Variants in RANBP17 observed in about 807,000 individuals in gnomAD.
RANBP17 encodes the protein ran-binding protein 17.
A neutral mutation model predicts 141.2 loss-of-function variants in RANBP17; 158 were observed. The observed-to-expected ratio is 1.12, with a 90% CI of 0.98 to 1.28. RANBP17 has a LOEUF of 1.28. RANBP17 is among the 50% of genes most tolerant of loss of function. RANBP17 has a pLI of 0.00. For missense variants in RANBP17, 1,438 were observed against 1,290.7 expected (o/e 1.11, Z -1.75); for synonymous variants, 430 against 450.0 (o/e 0.96, Z 0.56).
In RANBP17 at chr5:171,265,563, C is replaced by G. The variant is rs377615909; in HGVS notation, c.2777-118C>G. ...CAAATTCCTGCCCTCAAAGAACTTGCAATTTGATAAAAGCACTTTGAAACC... is the reference window on the plus strand; with the variant it reads ...CAAATTCCTGCCCTCAAAGAACTTGGAATTTGATAAAAGCACTTTGAAACC... On this transcript the variant is annotated intron_variant, in intron 24 of 27. Coordinates refer to ENST00000523189, the MANE Select transcript of RANBP17 (RefSeq NM_022897.5). The G allele has an allele frequency of 1.1e-4, 101 of 947,294 alleles. No homozygotes were observed. In the African/African-American group the frequency reaches 1.2e-3, roughly 11 times the overall value. 58.7% of individuals were successfully genotyped at this position (947,294 alleles called of 1,614,324 possible).
chr5:171,132,063 A>T (rs1276429281), intron 14 of RANBP17, among the ~76,000 whole-genome samples: 2 of 152,178 alleles, frequency 1.3e-5, no homozygotes, highest in Non-Finnish European at 2.9e-5. Flanking sequence ...TAGTTTCTCC[A>T]TGGAGCCAAG....
At chr5:171,128,813 T>C (rs560317289) in intron 14 of RANBP17, among the ~76,000 whole-genome samples, 1 of 109,784 alleles carries the variant, frequency 9.1e-6, no homozygotes, top group East Asian at 3.6e-4. Flanking sequence ...AAAAATAAAA[T>C]AGTCAAGACC....
chr5:171,223,445 C>G (rs1043457876), intron 22 of RANBP17, among the ~76,000 whole-genome samples: 1 of 152,116 alleles, frequency 6.6e-6, no homozygotes, highest in Non-Finnish European at 1.5e-5. Flanking sequence ...ACCATCCTGG[C>G]TAACATGGTG....
intron 14 of RANBP17, among the ~76,000 whole-genome samples, chr5:171,152,881 A>G (rs1340363551): frequency 1.3e-5 from 2 of 152,246 alleles, no homozygotes; most frequent in African/African-American, 2.4e-5. Context: ...CCTCATTTCT[A>G]TAGTAGAGTA....
intron 14 of RANBP17, among the ~76,000 whole-genome samples, chr5:171,014,522 T>C (rs1181847690): frequency 6.6e-6 from 1 of 152,046 alleles, no homozygotes; most frequent in East Asian, 1.9e-4. Context: ...CTGTCCCCTT[T>C]AAAATGATAT....
At chr5:170,907,799 T>C (rs976198926) in intron 5 of RANBP17, among the ~76,000 whole-genome samples, 2 of 151,908 alleles carry the variant, frequency 1.3e-5, no homozygotes, top group African/African-American at 2.4e-5. Context: ...GAAAAAATAT[T>C]TTTATATATT....
At chr5:171,072,844 T>C (rs1456513623) in intron 14 of RANBP17, among the ~76,000 whole-genome samples, 1 of 152,184 alleles carries the variant, frequency 6.6e-6, no homozygotes, top group Non-Finnish European at 1.5e-5. Context: ...ACAACCAAGA[T>C]GTCTTTCAGT....
intron 14 of RANBP17, among the ~76,000 whole-genome samples, chr5:171,140,476 T>G (rs1757612003): frequency 6.6e-6 from 1 of 152,230 alleles, no homozygotes; most frequent in African/African-American, 2.4e-5. Flanking sequence ...CAACACTAGA[T>G]TAGCCACCTC....
intron 22 of RANBP17, among the ~76,000 whole-genome samples, chr5:171,225,349 A>G (rs1332142839): frequency 6.6e-6 from 1 of 152,264 alleles, no homozygotes; most frequent in Non-Finnish European, 1.5e-5. Flanking sequence ...TGATACATGC[A>G]CTTTACATAG....
intron 4 of RANBP17, among the ~76,000 whole-genome samples, chr5:170,895,516 G>A (rs1770039948): frequency 6.6e-6 from 1 of 152,120 alleles, no homozygotes; most frequent in East Asian, 1.9e-4. Context: ...TTATAGGTAT[G>A]TAACAATTTC....
intron 2 of RANBP17, among the ~76,000 whole-genome samples, chr5:170,879,751 A>T (rs1768501883): frequency 6.6e-6 from 1 of 152,138 alleles, no homozygotes; most frequent in Non-Finnish European, 1.5e-5. Context: ...AGCTAAAAAA[A>T]TAGCAGTAAA....
At chr5:171,031,409 C>G (rs1781541690) in intron 14 of RANBP17, among the ~76,000 whole-genome samples, 1 of 151,984 alleles carries the variant, frequency 6.6e-6, no homozygotes, top group African/African-American at 2.4e-5. Flanking sequence ...CCTTTTCTTA[C>G]ACAAGAGCAT....
chr5:171,065,905 G>C (rs1351686288), intron 14 of RANBP17, among the ~76,000 whole-genome samples: 1 of 151,868 alleles, frequency 6.6e-6, no homozygotes, highest in Admixed American at 6.6e-5. Context: ...CTGTCGCCCA[G>C]ATTGAAGTGC....
In RANBP17 at chr5:171,295,907, A is replaced by T; in HGVS notation, c.3063A>T (p.Ala1021=). ...ATCAGTATTTCAGTGAACTGAGAGC[A>T]AGTTTGATAAACAGCCAGCCCCTCC... The part of the protein sequence containing the change: ...LNEKYFSELR[A]SLINSQPLPK... Residue 1021 remains alanine (A), a synonymous_variant, in exon 27 of 28, where the codon GCA becomes GCT. Coordinates refer to ENST00000523189, the MANE Select transcript of RANBP17 (RefSeq NM_022897.5). The T allele has an allele frequency of 3.1e-6, 5 of 1,613,588 alleles. No homozygotes were observed. Among genetic ancestry groups the T allele is most frequent in the Non-Finnish European group, 4.2e-6 (5 of 1,179,658 alleles).
At chr5:171,241,586 T>C (rs987076230) in intron 23 of RANBP17, among the ~76,000 whole-genome samples, 3 of 152,184 alleles carry the variant, frequency 2.0e-5, no homozygotes, top group African/African-American at 7.2e-5. Flanking sequence ...AGGACTTCCT[T>C]GTAGTAGAAT....
At chr5:171,076,027 TA>T (rs1407161623) in intron 14 of RANBP17, among the ~76,000 whole-genome samples, 1 of 152,168 alleles carries the variant, frequency 6.6e-6, no homozygotes, top group Non-Finnish European at 1.5e-5. Context: ...AATAAGTTGT[TA>T]AAAAATAATT....
At position 171,178,286 on chromosome 5, in the gene RANBP17, C is replaced by G. The variant is rs192011564; in HGVS notation, c.1866-4881C>G. 9.4e-3 allele frequency among the ~76,000 whole-genome samples: 1,414 copies of G among 150,158 alleles called. 25 individuals are homozygous for G. Among genetic ancestry groups the G allele is most frequent in the African/African-American group, 0.033 (1,352 of 40,864 alleles). On this transcript the variant is annotated intron_variant, in intron 16 of 27. Transcript: ENST00000523189. ...AACATGTGGTGTTTGGTTTTCTGTT[C>G]CTGTGTTAGTTCGCAGAGAATGATG...
At chr5:170,969,852 T>C (rs368370442) in intron 14 of RANBP17, among the ~76,000 whole-genome samples, 154 of 152,184 alleles carry the variant, frequency 1.0e-3, no homozygotes, top group African/African-American at 3.6e-3. Context: ...TTGACTCCTT[T>C]ATTGTAACTT....
intron 25 of RANBP17, among the ~76,000 whole-genome samples, chr5:171,282,666 G>C (rs929445072): frequency 1.3e-5 from 2 of 151,996 alleles, no homozygotes; most frequent in African/African-American, 4.8e-5. Context: ...TTTTAGTAGA[G>C]ACGGGGTTTC....
Sources: allele counts gnomAD v4.1 joint callset (sites outside exome capture counted in the v4.1 genomes callset), GRCh38; gene constraint gnomAD v4.1.1; transcripts MANE v1.5; gene names NCBI Gene and HGNC (gene_info 2026-07-23, HGNC 2026-07-21).